ADCY3: variants seen among roughly 807,000 people sequenced by gnomAD.
ADCY3 encodes adenylate cyclase 3.
ADCY3 carries 70 observed loss-of-function variants against 119.4 expected under a neutral mutation model. That is an observed-to-expected ratio of 0.59 (90% CI 0.48 to 0.72). The LOEUF is 0.72. Ranked by LOEUF, ADCY3 falls within the 30% of genes least tolerant of loss-of-function variation. The probability of loss-of-function intolerance (pLI) is 0.00; values close to 1 mark genes in which losing one functional copy is unlikely to be tolerated. For synonymous variants in ADCY3, 672 were observed against 621.4 expected (o/e 1.08, Z -1.21); for missense variants, 1,238 against 1,541.6 (o/e 0.80, Z 3.30).
chr2:24,849,061 G>A (rs1002618664), intron 3 of ADCY3, among the ~76,000 whole-genome samples: 3 of 152,226 alleles, frequency 2.0e-5, no homozygotes, highest in Non-Finnish European at 4.4e-5. Flanking sequence ...AGGGAGGGAC[G>A]TGGAACGTGA....
Position 24,820,025 on chromosome 2 carries a change from C to T in ADCY3, c.3342G>A (p.Leu1114=). 1 of 1,611,462 alleles carries T rather than the reference C, an allele frequency of 6.2e-7. No individual in the cohort carries two copies. Among genetic ancestry groups the T allele is most frequent in the Non-Finnish European group, 8.5e-7 (1 of 1,178,802 alleles). The change falls in exon 22 of 22, where the codon CTG becomes CTA. Residue 1114 remains leucine, a synonymous_variant. Coordinates refer to ENST00000679454, the MANE Select transcript of ADCY3 (RefSeq NM_004036.5). ...GPIFVKGKGE[L]LTFFLKGRDK... ...CCCGCCCCTTCAAGAAGAAGGTCAG[C>T]AGCTCCCCCTTCCCCTTCACAAAGA...
intron 2 of ADCY3, among the ~76,000 whole-genome samples, chr2:24,874,900 A>AG (rs1306989081): frequency 6.6e-6 from 1 of 152,230 alleles, no homozygotes; most frequent in African/African-American, 2.4e-5. Context: ...CCTACATAGG[A>AG]GGTCACCAGG....
Position 24,872,420 on chromosome 2 carries a change from G to A in ADCY3, c.825+150C>T. The A allele has an allele frequency of 2.0e-6, 2 of 976,022 alleles. No homozygotes were observed. Among genetic ancestry groups the A allele is most frequent in the South Asian group, 3.3e-5 (2 of 61,512 alleles). 60.5% of individuals were successfully genotyped at this position (976,022 alleles called of 1,614,324 possible). A position where few individuals can be genotyped will look rare whatever the true frequency, so the allele number is the denominator to read the frequency against. On this transcript the variant is annotated intron_variant, in intron 3 of 21. Transcript: ENST00000679454. This position sits in a 1 kb window ranked among gnomAD's most constrained non-coding sequence, Gnocchi z 4.4. ...CTGCCCTCTAATAGTGAGGAGCCCA[G>A]AAGACAAAGTTCAGAAGCAAACACC...
At position 24,855,875 on chromosome 2, in the gene ADCY3, A is replaced by T. The variant is rs780459571; in HGVS notation, c.826-13491T>A. ...TCGGCATGGCCTCCACAGGGCTCCG[A>T]GAAGGAACCACCCAAGCCCCCTTCT... On this transcript the variant is annotated intron_variant, in intron 3 of 21. Transcript: ENST00000679454. Among the ~76,000 whole-genome samples the T allele has an allele frequency of 2.0e-5, 3 of 152,154 alleles. No individual in the cohort carries two copies. The South Asian group carries it at 6.2e-4, about 32-fold the overall frequency.
chr2:24,820,171 C>CGGGGGGGG, intron 21 of ADCY3, 57 bp from the exon 22 acceptor site: 2 of 431,242 alleles, frequency 4.6e-6, no homozygotes, highest in Non-Finnish European at 8.1e-6. Flanking sequence ...AGACTGAGGG[C>CGGGGGGGG]GGGTGGGGGC....
rs765558970 is a variant in ADCY3 at position 24,918,813 on chromosome 2, G to A, written c.175C>T (p.Pro59Ser). The A allele has an allele frequency of 1.9e-6, 3 of 1,613,772 alleles. No homozygotes were observed. The highest frequency in any genetic ancestry group is 3.3e-5 in the Admixed American group (2 of 60,028). Reference protein sequence around the residue: ...LPRFMRLTFVPESLENLYQTY... With the variant: ...LPRFMRLTFVSESLENLYQTY... ...TGGTAGAGGTTCTCCAAGGACTCCG[G>A]CACGAAAGTCAGCCGCATGAAGCGA... The change falls in exon 2 of 22, where the codon CCG becomes TCG. Residue 59 changes from proline (P) to serine (S), a missense_variant. Pro to Ser is a moderately conservative substitution (Grantham distance 74, BLOSUM62 -1). Around this residue, in one of 7 missense-constraint regions of ADCY3, gnomAD observed 227 missense variants for 249.3 expected, o/e 0.91. Transcript: ENST00000679454. This position sits in a 1 kb window ranked among gnomAD's most constrained non-coding sequence, Gnocchi z 5.4.
chr2:24,836,908 T>C lies in ADCY3; in HGVS notation c.1662+9A>G, dbSNP rs1328195372. ...CTCAGTGACCCCCTGCCCTGAGCCC[T>C]GCACATACCTGGGCATCCTGCTCCT... On this transcript the variant is annotated intron_variant, in intron 9 of 21. Transcript: ENST00000679454. The C allele has an allele frequency of 1.2e-6, 2 of 1,609,796 alleles. No homozygotes were observed. Among genetic ancestry groups the C allele is most frequent in the Admixed American group, 1.7e-5 (1 of 59,704 alleles).
chr2:24,900,611 G>A (rs1678797848), intron 2 of ADCY3, among the ~76,000 whole-genome samples: 1 of 152,086 alleles, frequency 6.6e-6, no homozygotes. Context: ...AAAGTGCCCA[G>A]GACCATGTAA....
chr2:24,866,967 T>C (rs1202281155), intron 3 of ADCY3, among the ~76,000 whole-genome samples: 2 of 152,084 alleles, frequency 1.3e-5, no homozygotes, highest in African/African-American at 4.8e-5. Flanking sequence ...AACAAGGATA[T>C]TGAGTCCTAG....
rs190659144 is a variant in ADCY3 at position 24,864,930 on chromosome 2, A to C, written c.825+7640T>G. Among the ~76,000 whole-genome samples the C allele has an allele frequency of 1.5e-3, 232 of 152,334 alleles. 6 individuals are homozygous for C. The highest frequency in any genetic ancestry group is 4.3e-4 in the Non-Finnish European group (29 of 68,038). On this transcript the variant is annotated intron_variant, in intron 3 of 21. Transcript: ENST00000679454. The stretch of plus-strand genomic sequence containing the variant: ...AAATGTCCTTTGATCCAGCAATTCC[A>C]CTTCTAGGTTTTTATTCTTCCACAG...
rs199667987 is a variant in ADCY3 at position 24,823,370 on chromosome 2, G to A, written c.2737-15C>T. The A allele has an allele frequency of 9.4e-5, 151 of 1,608,848 alleles. 1 individual carries two copies. In the African/African-American group the frequency reaches 1.3e-3, roughly 14 times the overall value. On this transcript the variant is annotated splice_polypyrimidine_tract_variant and intron_variant, in intron 17 of 21. Coordinates refer to ENST00000679454, the MANE Select transcript of ADCY3 (RefSeq NM_004036.5). ...CTATACAGCTCCTAAAAAGAGGTGC[G>A]GACAACGTGCTCAAAGCATGTCCGA...
chr2:24,836,957 CT>C lies in ADCY3; in HGVS notation c.1621del (p.Ser541ValfsTer62). ...CTCGGGCTTCTCCGACGTGGACCCA[CT>C]GCTGTGGGCACTCCCGTTGGGCTCC... Reference protein sequence around the residue: ...TKEPNGSAHSSGSTSEKPEEQ... With the variant: ...TKEPNGSAHSXGSTSEKPEEQ... On this transcript the variant is annotated frameshift_variant, in exon 9 of 22. Transcript: ENST00000679454. LOFTEE classifies it high-confidence loss of function. 6.2e-7 allele frequency: 1 copy of C among 1,613,920 alleles called. No individual in the cohort carries two copies. The highest frequency in any genetic ancestry group is 8.5e-7 in the Non-Finnish European group (1 of 1,180,036).
chr2:24,843,259 G>T (rs1409253819), intron 3 of ADCY3, among the ~76,000 whole-genome samples: 2 of 152,258 alleles, frequency 1.3e-5, no homozygotes, highest in South Asian at 2.1e-4. Flanking sequence ...TTTATACAGG[G>T]TCTTGCTCTG....
intron 3 of ADCY3, among the ~76,000 whole-genome samples, chr2:24,843,947 C>T (rs182910882): frequency 8.0e-4 from 121 of 152,100 alleles, no homozygotes; most frequent in Admixed American, 1.8e-3. Context: ...GTGATGATGG[C>T]GTCTGGTGAA....
Position 24,830,675 on chromosome 2 carries a change from G to C in ADCY3, c.2172+34C>G, listed in dbSNP as rs767542721. The C allele has an allele frequency of 3.2e-6, 5 of 1,548,560 alleles. No individual in the cohort carries two copies. In the Admixed American group the frequency reaches 8.4e-5, roughly 26 times the overall value. On this transcript the variant is annotated intron_variant, in intron 13 of 21. Coordinates refer to ENST00000679454, the MANE Select transcript of ADCY3 (RefSeq NM_004036.5). ...AGAAGCCCTTCTCCACTGAGAACAG[G>C]GGCGTCCCTTCAACAAGGACAGCAG... is the stretch of plus-strand genomic sequence containing the variant.
chr2:24,846,385 T>C (rs1032318900), intron 3 of ADCY3, among the ~76,000 whole-genome samples: 2 of 152,202 alleles, frequency 1.3e-5, no homozygotes, highest in African/African-American at 2.4e-5. Flanking sequence ...CAGCGTGACC[T>C]GGATGTGAGA....
chr2:24,860,816 G>C (rs1383662371), intron 3 of ADCY3, among the ~76,000 whole-genome samples: 2 of 152,268 alleles, frequency 1.3e-5, no homozygotes, highest in African/African-American at 2.4e-5. Context: ...GCAAGAGAGA[G>C]AGCGGGCTCA....
rs374103367 is a variant in ADCY3, at chr2:24,838,641, G to C, written c.1356-19C>G. On this transcript the variant is annotated intron_variant, in intron 7 of 21. Transcript: ENST00000679454. ...CACGCGCCTGGATTGCAGAGAGAGA[G>C]GCCCTGAGCGTCGGCCAGAGGTGGC... 7 of 1,612,648 alleles carry C rather than the reference G, an allele frequency of 4.3e-6. No homozygotes were observed. In the African/African-American group the frequency reaches 8.0e-5, roughly 18 times the overall value.
intron 7 of ADCY3, chr2:24,838,982 G>T: frequency 8.7e-7 from 1 of 1,149,504 alleles, no homozygotes; most frequent in Non-Finnish European, 1.2e-6. Context: ...TTGTTCTGTC[G>T]CCCAGGATGG....
Sources: allele counts gnomAD v4.1 joint callset (sites outside exome capture counted in the v4.1 genomes callset), GRCh38; gene constraint gnomAD v4.1.1; regional missense constraint gnomAD v4.1.1; non-coding constraint Gnocchi (gnomAD v3.1); transcripts MANE v1.5; gene names NCBI Gene and HGNC (gene_info 2026-07-23, HGNC 2026-07-21).